The following PTCHD4 variants were observed in gnomAD, a reference collection of about 807,000 sequenced individuals.
PTCHD4 encodes the protein patched domain containing 4.
A neutral mutation model predicts 58.1 loss-of-function variants in PTCHD4; 33 were observed. That is an observed-to-expected ratio of 0.57 (90% CI 0.43 to 0.76). PTCHD4 has a LOEUF of 0.76. Among genes scored for constraint, PTCHD4 ranks in the 30% least tolerant of loss-of-function variants. The pLI is 0.00. For missense variants in PTCHD4, 1,058 were observed against 1,027.1 expected, an observed-to-expected ratio of 1.03 and a Z score of -0.41; for synonymous variants, 478 against 409.6, an observed-to-expected ratio of 1.17 and a Z score of -2.02.
At chr6:47,977,974 A>C (rs1161525424) in intron 4 of PTCHD4, among the ~76,000 whole-genome samples, 1 of 152,200 alleles carries the variant, frequency 6.6e-6, no homozygotes, top group African/African-American at 2.4e-5. Context: ...AGCTCCAGGA[A>C]GACTCAATCC....
intron 4 of PTCHD4, among the ~76,000 whole-genome samples, chr6:47,887,335 A>G (rs972612590): frequency 1.3e-5 from 2 of 151,288 alleles, no homozygotes; most frequent in African/African-American, 2.4e-5. Context: ...AATAAATGTT[A>G]CTATTTATCA....
At chr6:47,903,117 T>C (rs562950584) in intron 4 of PTCHD4, among the ~76,000 whole-genome samples, 2 of 152,306 alleles carry the variant, frequency 1.3e-5, no homozygotes, top group African/African-American at 4.8e-5. Context: ...GTGGCCAAAA[T>C]GCAACTCTGA....
rs570134785 is a variant in PTCHD4 at position 47,987,463 on chromosome 6, T to C, written c.898+21171A>G. Among the ~76,000 whole-genome samples, 10 of 150,516 alleles carry C rather than the reference T, an allele frequency of 6.6e-5. No homozygotes were observed. The East Asian group carries it at 1.9e-3, about 29-fold the overall frequency. On this transcript the variant is annotated intron_variant, in intron 4 of 4. Coordinates refer to ENST00000339488, the MANE Select transcript of PTCHD4 (RefSeq NM_001384253.1). ...CTAAGTATCCAGCCATTTAAAGTGA[T>C]GGTGCAGCTGCTTATGATTCTTAAT... is the stretch of plus-strand genomic sequence containing the variant.
chr6:47,954,042 A>G (rs969240808), intron 4 of PTCHD4, among the ~76,000 whole-genome samples: 1 of 152,064 alleles, frequency 6.6e-6, no homozygotes, highest in Admixed American at 6.6e-5. Context: ...GAAATTTACT[A>G]ATGAATTAGA....
chr6:48,063,663 A>C (rs910509710), intron 3 of PTCHD4, among the ~76,000 whole-genome samples: 1 of 152,214 alleles, frequency 6.6e-6, no homozygotes, highest in African/African-American at 2.4e-5. Flanking sequence ...AAACTTGTAA[A>C]GATTAAATAG....
At position 47,975,718 on chromosome 6, in the gene PTCHD4, T is replaced by C. The variant is rs1184258027; in HGVS notation, c.898+32916A>G. Among the ~76,000 whole-genome samples the C allele has an allele frequency of 2.0e-5, 3 of 152,220 alleles. No individual in the cohort carries two copies. In the East Asian group the frequency reaches 5.8e-4, roughly 29 times the overall value. ...TTTAGTAAATCTAGTAATATTTCTT[T>C]AGCACCTATTAATCAGCTTGGCATT... is the stretch of plus-strand genomic sequence containing the variant. On this transcript the variant is annotated intron_variant, in intron 4 of 4. Transcript: ENST00000339488.
At position 47,905,043 on chromosome 6, in the gene PTCHD4, TCACACACACACACA is replaced by T. The variant is rs70999653; in HGVS notation, c.899-25121_899-25108del. On this transcript the variant is annotated intron_variant, in intron 4 of 4. Transcript: ENST00000339488. ...AAGAACTAGGAAGAAAATACAGCCATCACACACACACACACACACACACACACACACACACACAC... is the reference window on the plus strand; with the variant it reads ...AAGAACTAGGAAGAAAATACAGCCATCACACACACACACACACACACACAC... Among the ~76,000 whole-genome samples, 56 of 131,568 alleles carry T rather than the reference TCACACACACACACA, an allele frequency of 4.3e-4. 1 individual carries two copies. The highest frequency in any genetic ancestry group is 7.5e-4 in the Non-Finnish European group (47 of 62,770). The allele number at this position is 131,568 out of a possible 152,430, so 86.3% of individuals were successfully genotyped here.
At chr6:47,882,436 T>C (rs1464363953) in intron 4 of PTCHD4, among the ~76,000 whole-genome samples, 1 of 152,030 alleles carries the variant, frequency 6.6e-6, no homozygotes, top group Non-Finnish European at 1.5e-5. Context: ...TGGCGTGTTT[T>C]ATCCCACTCA....
intron 1 of PTCHD4, among the ~76,000 whole-genome samples, chr6:48,092,363 T>C (rs912482975): frequency 1.3e-5 from 2 of 152,204 alleles, no homozygotes; most frequent in African/African-American, 4.8e-5. Context: ...ATTTTTTATT[T>C]TGCATTTAAA....
At chr6:48,002,754 TATAATA>T (rs139742079) in intron 4 of PTCHD4, among the ~76,000 whole-genome samples, 9 of 149,518 alleles carry the variant, frequency 6.0e-5, no homozygotes, top group East Asian at 3.9e-4. Context: ...AAACTTAAAG[TATAATA>T]ATAATAATAA....
rs1213891062 is a variant in PTCHD4, at chr6:47,877,834, G to T, written c.*469C>A. 6.6e-6 allele frequency among the ~76,000 whole-genome samples: 1 copy of T among 151,968 alleles called. No individual in the cohort carries two copies. Among genetic ancestry groups the T allele is most frequent in the African/African-American group, 2.4e-5 (1 of 41,392 alleles). ...ATGGATTGGGAAGTCCTTTGGTTTAGACAGTATTAAATATGTACTTCCCAA... is the reference window on the plus strand; with the variant it reads ...ATGGATTGGGAAGTCCTTTGGTTTATACAGTATTAAATATGTACTTCCCAA... On this transcript the variant is annotated 3_prime_UTR_variant, in exon 5 of 5. Coordinates refer to ENST00000339488, the MANE Select transcript of PTCHD4 (RefSeq NM_001384253.1).
At chr6:47,908,402 T>C (rs561060163) in intron 4 of PTCHD4, among the ~76,000 whole-genome samples, 1 of 152,242 alleles carries the variant, frequency 6.6e-6, no homozygotes, top group East Asian at 1.9e-4. Flanking sequence ...GAATTCAAAG[T>C]CGTGATTCCA....
chr6:48,072,421 C>T (rs1015240754), intron 1 of PTCHD4, among the ~76,000 whole-genome samples: 4 of 152,112 alleles, frequency 2.6e-5, no homozygotes, highest in Non-Finnish European at 5.9e-5. Context: ...TGTGATATTC[C>T]ATTACTGTGG....
intron 4 of PTCHD4, among the ~76,000 whole-genome samples, chr6:48,000,970 C>T (rs2114060899): frequency 6.6e-6 from 1 of 152,272 alleles, no homozygotes; most frequent in South Asian, 2.1e-4. Context: ...AACAGACAAA[C>T]AGAGAGCCAA....
Position 48,009,102 on chromosome 6 carries a change from T to A in PTCHD4, c.430A>T (p.Ser144Cys). ...AVLEMKDGRNSFIGHQLGGVV... is the reference protein window; with the variant it reads ...AVLEMKDGRNCFIGHQLGGVV... ...CCGCCCAGTTGGTGTCCAATAAAACTGTTCCTCCCATCCTTGAAAACAGAA... is the reference window on the plus strand; with the variant it reads ...CCGCCCAGTTGGTGTCCAATAAAACAGTTCCTCCCATCCTTGAAAACAGAA... The change falls in exon 4 of 5, where the codon AGT becomes TGT. Residue 144 changes from serine to cysteine, a missense_variant. Physicochemically the swap from Ser to Cys is moderately radical, Grantham distance 112 (BLOSUM62 -1). Coordinates refer to ENST00000339488, the MANE Select transcript of PTCHD4 (RefSeq NM_001384253.1). 1 of 1,606,286 alleles carries A rather than the reference T, an allele frequency of 6.2e-7. No individual in the cohort carries two copies. The highest frequency in any genetic ancestry group is 1.1e-5 in the South Asian group (1 of 90,344).
In PTCHD4 at chr6:48,089,597, C is replaced by T. The variant is rs142393081; in HGVS notation, c.-969-19671G>A. Among the ~76,000 whole-genome samples, 586 of 152,198 alleles carry T rather than the reference C, an allele frequency of 3.9e-3. 3 individuals carry two copies. The highest frequency in any genetic ancestry group is 0.017 in the Middle Eastern group (5 of 294). The stretch of plus-strand genomic sequence containing the variant: ...GTTTTAATTTTAACCTTTATTGACC[C>T]GTTATTGAATTGCAATCTTGTATAT... On this transcript the variant is annotated intron_variant, in intron 1 of 4. Transcript: ENST00000339488.
intron 4 of PTCHD4, among the ~76,000 whole-genome samples, chr6:48,005,720 G>C (rs1762408780): frequency 6.6e-6 from 1 of 152,174 alleles, no homozygotes; most frequent in African/African-American, 2.4e-5. Context: ...CTATAGATTA[G>C]AGATTTGAGG....
At chr6:48,000,240 A>G (rs1418731401) in intron 4 of PTCHD4, among the ~76,000 whole-genome samples, 1 of 152,166 alleles carries the variant, frequency 6.6e-6, no homozygotes, top group Admixed American at 6.6e-5. Context: ...TGTTAACATG[A>G]TCAAGGCATT....
rs773957059 is a variant in PTCHD4, at chr6:47,879,615, G to A, written c.1220C>T (p.Pro407Leu). Residue 407 changes from proline (P) to leucine (L), a missense_variant, in exon 5 of 5, where the codon CCT becomes CTT. Transcript: ENST00000339488. ...RYHSIFCCKI[P>L]SAEYLDRKPV... The stretch of plus-strand genomic sequence containing the variant: ...TTTGCGATCCAGGTATTCTGCAGAA[G>A]GGATCTTACAGCAAAAGATGCTGTG... 5 of 1,613,716 alleles carry A rather than the reference G, an allele frequency of 3.1e-6. No individual in the cohort carries two copies. Among genetic ancestry groups the A allele is most frequent in the East Asian group, 2.2e-5 (1 of 44,858 alleles).
Sources: allele counts gnomAD v4.1 joint callset (sites outside exome capture counted in the v4.1 genomes callset), GRCh38; gene constraint gnomAD v4.1.1; transcripts MANE v1.5; gene names NCBI Gene and HGNC (gene_info 2026-07-23, HGNC 2026-07-21).